Variants in TSC2 observed in about 807,000 individuals in gnomAD.
The protein encoded by TSC2 is TSC complex subunit 2, also known as tuberin.
A neutral mutation model predicts 202.2 loss-of-function variants in TSC2; 29 were observed. The observed-to-expected ratio is 0.14, with a 90% CI of 0.11 to 0.20. The LOEUF (loss-of-function observed/expected upper bound fraction) is 0.20. Among genes scored for constraint, TSC2 ranks in the 10% least tolerant of loss-of-function variants. The pLI, the probability that TSC2 is intolerant of heterozygous loss-of-function variation, is 1.00. For missense variants in TSC2, 2,429 were observed against 2,420.0 expected (o/e 1.00, Z -0.08); for synonymous variants, 1,349 against 1,044.0 (o/e 1.29, Z -5.63).
chr16:2,061,857 G>T lies in TSC2; in HGVS notation c.1120-14G>T, dbSNP rs1472082477. ...AGTGGAAGTCAGCCTGTGTCATCGTGCCTGGTACTGCAGACCTTGGACAGC... is the reference window on the plus strand; with the variant it reads ...AGTGGAAGTCAGCCTGTGTCATCGTTCCTGGTACTGCAGACCTTGGACAGC... On this transcript the variant is annotated splice_polypyrimidine_tract_variant and intron_variant, in intron 11 of 41. Transcript: ENST00000219476. The T allele has an allele frequency of 6.2e-7, 1 of 1,613,948 alleles. No individual in the cohort carries two copies. The highest frequency in any genetic ancestry group is 1.3e-5 in the African/African-American group (1 of 74,932).
rs760395277 is a variant in TSC2 at position 2,088,252 on chromosome 16, G to C, written c.5186G>C (p.Arg1729Pro). The change falls in exon 41 of 42, where the codon CGC becomes CCC. Residue 1729 changes from arginine (R) to proline (P), a missense_variant. By Grantham distance (103) the Arg-to-Pro change is moderately radical. Coordinates refer to ENST00000219476, the MANE Select transcript of TSC2 (RefSeq NM_000548.5). ...ATGGCCTCACAGGTGCATCATAGCC[G>C]CTCCAACCCCACCGATATCTACCCC... ...ANMASQVHHS[R>P]SNPTDIYPSK... 6.2e-7 allele frequency: 1 copy of C among 1,603,728 alleles called. No individual in the cohort carries two copies. The highest frequency in any genetic ancestry group is 1.7e-4 in the Middle Eastern group (1 of 6,014).
chr16:2,057,509 C>T (rs2086024182), intron 9 of TSC2, among the ~76,000 whole-genome samples: 2 of 152,168 alleles, frequency 1.3e-5, no homozygotes, highest in Admixed American at 6.5e-5. Context: ...CCCCCACAGC[C>T]AGGCTGTGGC....
chr16:2,051,131 C>A (rs1441198047), intron 3 of TSC2, among the ~76,000 whole-genome samples: 1 of 151,814 alleles, frequency 6.6e-6, no homozygotes, highest in African/African-American at 2.4e-5. Flanking sequence ...CAAGACCACT[C>A]TGGCCAACAT....
chr16:2,087,447 T>G (rs2090959882), intron 38 of TSC2, among the ~76,000 whole-genome samples: 1 of 127,562 alleles, frequency 7.8e-6, no homozygotes, highest in Non-Finnish European at 1.6e-5. Flanking sequence ...GGCAGGAGCA[T>G]AGGGAGGTGG....
At position 2,089,310 on chromosome 16, in the gene TSC2, A is replaced by G. The variant is rs957770047; in HGVS notation, c.*700A>G. The stretch of plus-strand genomic sequence containing the variant: ...CACGAGACACACAGTGAGACGGTGC[A>G]GGGAGTACGGTAGGAACTGGAGAGG... On this transcript the variant is annotated 3_prime_UTR_variant, in exon 42 of 42. Coordinates refer to ENST00000219476, the MANE Select transcript of TSC2 (RefSeq NM_000548.5). 1.1e-5 allele frequency: 3 copies of G among 263,706 alleles called. No homozygotes were observed. Among genetic ancestry groups the G allele is most frequent in the Non-Finnish European group, 2.2e-5 (3 of 137,602 alleles). The allele number at this position is 263,706 out of a possible 1,614,324, so 16.3% of individuals were successfully genotyped here.
intron 8 of TSC2, 43 bp downstream of exon 8, chr16:2,056,812 T>C (rs2085905955): frequency 6.2e-7 from 1 of 1,601,796 alleles, no homozygotes; most frequent in Admixed American, 1.7e-5. Context: ...TGAGAGCACA[T>C]GGATGGGACA....
intron 30 of TSC2, 87 bp downstream of exon 30, chr16:2,080,464 C>T (rs2089991948): frequency 6.7e-7 from 1 of 1,497,624 alleles, no homozygotes. Flanking sequence ...AGACTTGGCC[C>T]TCTTGGGATA....
intron 12 of TSC2, among the ~76,000 whole-genome samples, chr16:2,062,220 G>A (rs1242432174): frequency 3.9e-5 from 6 of 152,248 alleles, no homozygotes; most frequent in Admixed American, 1.3e-4. Context: ...CCTCCCACCT[G>A]TGTGGAGCAA....
Position 2,055,492 on chromosome 16 carries a change from TCGA to T in TSC2, c.576_578del (p.Asp192del), listed in dbSNP as rs774703938. 1 of 1,614,172 alleles carries T rather than the reference TCGA, an allele frequency of 6.2e-7. No individual in the cohort carries two copies. The highest frequency in any genetic ancestry group is 8.5e-7 in the Non-Finnish European group (1 of 1,180,024). On this transcript the variant is annotated inframe_deletion, in exon 6 of 42. Transcript: ENST00000219476. The stretch of plus-strand genomic sequence containing the variant: ...TTGGTCAAATTCAATAGCTGTTACC[TCGA>T]CGAGTACATCGCAAGGATGGTTCAG...
At chr16:2,064,645 A>G (rs2087072792) in intron 15 of TSC2, 1 of 687,906 alleles carries the variant, frequency 1.5e-6, no homozygotes, top group Non-Finnish European at 2.4e-6. Flanking sequence ...GTGTCCTGTC[A>G]CACTCTGGGA....
chr16:2,086,074 T>C (rs2090747980), intron 36 of TSC2, 119 bp from the exon 37 acceptor site: 5 of 1,198,446 alleles, frequency 4.2e-6, no homozygotes, highest in Non-Finnish European at 4.8e-6. Context: ...ATGGATGGTC[T>C]TGTCTGCCTC....
chr16:2,083,376 G>A, intron 32 of TSC2: 1 of 503,670 alleles, frequency 2.0e-6, no homozygotes, highest in Admixed American at 2.6e-5. Context: ...TTAGAGCTGA[G>A]GCCCGTCGGG....
chr16:2,074,206 A>G lies in TSC2; in HGVS notation c.2362A>G (p.Met788Val), dbSNP rs1002435708. 6.2e-7 allele frequency: 1 copy of G among 1,611,234 alleles called. No individual in the cohort carries two copies. Among genetic ancestry groups the G allele is most frequent in the African/African-American group, 1.3e-5 (1 of 74,866 alleles). ...GGTGTCCTGTCTCCTGCAGCGCGAG[A>G]TGGTCTACTGCCTGGAGCAGGGCCT... ...NYLDKTKQRE[M>V]VYCLEQGLIH... is the part of the protein sequence containing the mutation. Residue 788 changes from methionine to valine, a missense_variant, in exon 22 of 42, where the codon ATG becomes GTG. Coordinates refer to ENST00000219476, the MANE Select transcript of TSC2 (RefSeq NM_000548.5).
At position 2,062,016 on chromosome 16, in the gene TSC2, C is replaced by G. The variant is rs767392684; in HGVS notation, c.1257+8C>G. 1.2e-6 allele frequency: 2 copies of G among 1,613,872 alleles called. No homozygotes were observed. The highest frequency in any genetic ancestry group is 1.3e-5 in the African/African-American group (1 of 74,906). ...TGTGCGGACCAGAGGCCTGTGAGAC[C>G]CCCTCCTGGGTGGGGCCTTTGGGCT... On this transcript the variant is annotated splice_region_variant and intron_variant, in intron 12 of 41. Coordinates refer to ENST00000219476, the MANE Select transcript of TSC2 (RefSeq NM_000548.5).
At chr16:2,077,277 G>A (rs905488953) in intron 25 of TSC2, 1 of 395,148 alleles carries the variant, frequency 2.5e-6, no homozygotes, top group Admixed American at 3.7e-5. Flanking sequence ...GGGATTGCCT[G>A]GCCAGCACAG....
rs369536711 is a variant in TSC2 at position 2,079,637 on chromosome 16, G to A, written c.3365G>A (p.Arg1122His). Reference protein sequence around the residue: ...LESQAGQQVSRGARDRVRSMS... With the variant: ...LESQAGQQVSHGARDRVRSMS... ...TCCCAGGCTGGGCAGCAGGTGTCCC[G>A]TGGGGCCCGGGATCGGGTCCGTTCC... is the stretch of plus-strand genomic sequence containing the variant. The change falls in exon 29 of 42, where the codon CGT becomes CAT. Residue 1122 changes from arginine to histidine, a missense_variant. Physicochemically the swap from Arg to His is conservative, Grantham distance 29. Transcript: ENST00000219476. The surrounding 1 kb of genome is among the most constrained non-coding windows in gnomAD (Gnocchi z 4.6). 4.1e-5 allele frequency: 66 copies of A among 1,607,054 alleles called. No homozygotes were observed. Among genetic ancestry groups the A allele is most frequent in the Non-Finnish European group, 5.1e-5 (60 of 1,177,702 alleles).
At position 2,055,494 on chromosome 16, in the gene TSC2, G is replaced by A. The variant is rs1284679649; in HGVS notation, c.574G>A (p.Asp192Asn). 4.3e-6 allele frequency: 7 copies of A among 1,614,110 alleles called. No individual in the cohort carries two copies. Among genetic ancestry groups the A allele is most frequent in the African/African-American group, 1.3e-5 (1 of 75,030 alleles). The change falls in exon 6 of 42, where the codon GAC becomes AAC. Residue 192 changes from aspartate to asparagine, a missense_variant. Physicochemically the swap from Asp to Asn is conservative, Grantham distance 23. Coordinates refer to ENST00000219476, the MANE Select transcript of TSC2 (RefSeq NM_000548.5). Reference protein sequence around the residue: ...NLVKFNSCYLDEYIARMVQMI... With the variant: ...NLVKFNSCYLNEYIARMVQMI... The stretch of plus-strand genomic sequence containing the variant: ...GGTCAAATTCAATAGCTGTTACCTC[G>A]ACGAGTACATCGCAAGGATGGTTCA...
In TSC2 at chr16:2,086,789, A is replaced by C. The variant is rs764887737; in HGVS notation, c.4907A>C (p.Asp1636Ala). ...PTKDVDKHRC[D>A]KKRHLGNDFV... The stretch of plus-strand genomic sequence containing the variant: ...AAGGACGTGGACAAGCACCGCTGCG[A>C]CAAGAAGCGCCACCTGGGCAACGAC... The change falls in exon 38 of 42, where the codon GAC becomes GCC. Residue 1636 changes from aspartate (D) to alanine (A), a missense_variant. Asp to Ala is a moderately radical substitution (Grantham distance 126). Coordinates refer to ENST00000219476, the MANE Select transcript of TSC2 (RefSeq NM_000548.5). 1 of 1,611,588 alleles carries C rather than the reference A, an allele frequency of 6.2e-7. No individual in the cohort carries two copies. Among genetic ancestry groups the C allele is most frequent in the Non-Finnish European group, 8.5e-7 (1 of 1,179,862 alleles).
chr16:2,050,530 A>T (rs2150998426), intron 3 of TSC2, 44 bp downstream of exon 3: 1 of 1,559,104 alleles, frequency 6.4e-7, no homozygotes, highest in Non-Finnish European at 8.8e-7. Flanking sequence ...CACGTAGACT[A>T]TTCAGAGCCT....
Sources: allele counts gnomAD v4.1 joint callset (sites outside exome capture counted in the v4.1 genomes callset), GRCh38; gene constraint gnomAD v4.1.1; non-coding constraint Gnocchi (gnomAD v3.1); transcripts MANE v1.5; gene names NCBI Gene and HGNC (gene_info 2026-07-23, HGNC 2026-07-21).